The following CHD1 variants were observed in gnomAD, a reference collection of about 807,000 sequenced individuals.
The protein encoded by CHD1 is chromodomain helicase DNA binding protein 1.
CHD1 carries 36 observed loss-of-function variants against 224.2 expected under a neutral mutation model. The ratio of observed to expected loss-of-function variants is 0.16; its 90% confidence interval spans 0.12 to 0.21. The LOEUF is 0.21. Among genes scored for constraint, CHD1 ranks in the 10% least tolerant of loss-of-function variants. The pLI, the probability that CHD1 is intolerant of heterozygous loss-of-function variation, is 1.00. For missense variants in CHD1, 1,378 were observed against 1,994.8 expected, an observed-to-expected ratio of 0.69 and a Z score of 5.89; for synonymous variants, 668 against 658.3, an observed-to-expected ratio of 1.01 and a Z score of -0.23.
intron 28 of CHD1, among the ~76,000 whole-genome samples, chr5:98,871,026 GATT>G (rs1749294398): frequency 6.6e-6 from 1 of 151,914 alleles, no homozygotes; most frequent in Non-Finnish European, 1.5e-5. Context: ...AAAACCCTCA[GATT>G]ATCTTTCAAA....
intron 2 of CHD1, among the ~76,000 whole-genome samples, chr5:98,911,176 T>TATATATATATATATATATAGAG (rs1561540185): frequency 8.1e-6 from 1 of 122,974 alleles, no homozygotes; most frequent in Non-Finnish European, 1.7e-5. Flanking sequence ...TATATATATA[T>TATATATATATATATATATAGAG]AGAGGCATGT....
In CHD1 at chr5:98,893,460, G is replaced by A. The variant is rs1751150235; in HGVS notation, c.1947C>T (p.Ser649=). Residue 649 remains serine, a synonymous_variant, in exon 14 of 36, where the codon TCC becomes TCT. Transcript: ENST00000614616. ...GTAGCAAAGACCAGAGCTCTTTGAG[G>A]GAATTCTGTAGAGGAGTTCCAGTGA... ...LLITGTPLQN[S]LKELWSLLHF... is the part of the protein sequence containing the mutation. The A allele has an allele frequency of 6.2e-7, 1 of 1,608,582 alleles. No homozygotes were observed. The highest frequency in any genetic ancestry group is 1.7e-5 in the Admixed American group (1 of 58,950).
chr5:98,881,867 A>T, intron 20 of CHD1, 108 bp downstream of exon 20: 1 of 948,446 alleles, frequency 1.1e-6, no homozygotes, highest in Non-Finnish European at 1.5e-6. Context: ...AAAATATAAA[A>T]AGTACAACTC....
chr5:98,892,426 G>C, intron 15 of CHD1, 99 bp downstream of exon 15: 1 of 767,210 alleles, frequency 1.3e-6, no homozygotes, highest in Non-Finnish European at 2.1e-6. Context: ...ACTGCTCTAA[G>C]ACACTATTGT....
chr5:98,894,033 C>G (rs554701748), intron 13 of CHD1, among the ~76,000 whole-genome samples: 2 of 152,178 alleles, frequency 1.3e-5, no homozygotes, highest in Admixed American at 6.5e-5. Flanking sequence ...CTGTAGAACT[C>G]TCTTAAACTT....
At position 98,868,499 on chromosome 5, in the gene CHD1, C is replaced by G; in HGVS notation, c.4244G>C (p.Ser1415Thr). 1 of 1,607,038 alleles carries G rather than the reference C, an allele frequency of 6.2e-7. No individual in the cohort carries two copies. ...ATCAGAAAGTCTAAGGCTTACAATG[C>G]TGAATGTCTTCTGATCCAGCTCTTC... ...ESEELDQKTF[S>T]ICKERMRPVK... The change falls in exon 31 of 36, where the codon AGC becomes ACC. Residue 1415 changes from serine (S) to threonine (T), a missense_variant. Ser to Thr is a moderately conservative substitution (Grantham distance 58, BLOSUM62 1). This residue lies in a region of CHD1 where 23 missense variants were observed against 65.8 expected (regional missense o/e 0.35). Transcript: ENST00000614616.
intron 2 of CHD1, among the ~76,000 whole-genome samples, chr5:98,923,093 T>G (rs1176989639): frequency 6.6e-6 from 1 of 152,240 alleles, no homozygotes; most frequent in African/African-American, 2.4e-5. Flanking sequence ...CTCCTCAGTC[T>G]TTTAACTAGG....
At chr5:98,864,237 A>C (rs2112467857) in intron 31 of CHD1, among the ~76,000 whole-genome samples, 1 of 152,310 alleles carries the variant, frequency 6.6e-6, no homozygotes, top group East Asian at 1.9e-4. Flanking sequence ...AAATATTACT[A>C]ACAAGGCAAC....
chr5:98,901,458 T>C (rs1439767728), intron 5 of CHD1, 123 bp from the exon 6 acceptor site: 2 of 689,572 alleles, frequency 2.9e-6, no homozygotes, highest in Admixed American at 3.5e-5. Context: ...CTTTTACTCA[T>C]GCTAAAAATG....
At chr5:98,863,872 T>C (rs1434516776) in intron 31 of CHD1, among the ~76,000 whole-genome samples, 1 of 152,200 alleles carries the variant, frequency 6.6e-6, no homozygotes, top group African/African-American at 2.4e-5. Flanking sequence ...TTTTATATTG[T>C]AGCACACTAT....
intron 2 of CHD1, among the ~76,000 whole-genome samples, chr5:98,923,703 G>A (rs1215662456): frequency 2.6e-5 from 4 of 151,712 alleles, no homozygotes; most frequent in South Asian, 2.1e-4. Context: ...GTAAGCCACC[G>A]CACCCGGCCA....
chr5:98,910,289 A>G (rs939666383), intron 2 of CHD1, among the ~76,000 whole-genome samples: 3 of 152,178 alleles, frequency 2.0e-5, no homozygotes, highest in African/African-American at 4.8e-5. Flanking sequence ...TCAAAATAAT[A>G]CCATTATCAT....
chr5:98,905,856 A>G (rs937172641), intron 2 of CHD1, among the ~76,000 whole-genome samples: 5 of 152,198 alleles, frequency 3.3e-5, no homozygotes, highest in African/African-American at 1.2e-4. Flanking sequence ...AGTCTGGACT[A>G]AACAGTTGAT....
chr5:98,897,212 G>T lies in CHD1; in HGVS notation c.1474C>A (p.Leu492Ile). The T allele has an allele frequency of 6.2e-7, 1 of 1,611,416 alleles. No individual in the cohort carries two copies. Among genetic ancestry groups the T allele is most frequent in the Non-Finnish European group, 8.5e-7 (1 of 1,178,916 alleles). Residue 492 changes from leucine (L) to isoleucine (I), a missense_variant, in exon 11 of 36, where the codon CTT becomes ATT. Transcript: ENST00000614616. Reference sequence around the variant, plus strand: ...ACTTACTTGCACCAAGAATGAGCAAGCCAATTTAAACCATTCAGTTGATAA... The same window carrying T: ...ACTTACTTGCACCAAGAATGAGCAATCCAATTTAAACCATTCAGTTGATAA... ...RDYQLNGLNW[L>I]AHSWCKGNSC...
At chr5:98,887,100 G>GT (rs1410897817) in intron 17 of CHD1, among the ~76,000 whole-genome samples, 1 of 152,114 alleles carries the variant, frequency 6.6e-6, no homozygotes, top group African/African-American at 2.4e-5. Flanking sequence ...TGTGAACATA[G>GT]TAAAAACCAC....
intron 2 of CHD1, among the ~76,000 whole-genome samples, chr5:98,923,840 C>G (rs963681210): frequency 6.6e-6 from 1 of 152,294 alleles, no homozygotes; most frequent in African/African-American, 2.4e-5. Flanking sequence ...AGCACATGAT[C>G]TGTCTGCATA....
At chr5:98,910,232 G>A (rs879459336) in intron 2 of CHD1, among the ~76,000 whole-genome samples, 4 of 151,912 alleles carry the variant, frequency 2.6e-5, no homozygotes, top group Non-Finnish European at 4.4e-5. Flanking sequence ...GGGTTGAGTT[G>A]GTTGCAAATG....
At chr5:98,906,179 A>G (rs1200260998) in intron 2 of CHD1, among the ~76,000 whole-genome samples, 1 of 152,166 alleles carries the variant, frequency 6.6e-6, no homozygotes, top group African/African-American at 2.4e-5. Flanking sequence ...TCTACAGGTG[A>G]GATATATAAA....
chr5:98,873,926 GT>G (rs1348173325), intron 25 of CHD1, among the ~76,000 whole-genome samples: 2 of 152,128 alleles, frequency 1.3e-5, no homozygotes, highest in African/African-American at 4.8e-5. Context: ...ATAATAATGA[GT>G]TTAATTCATT....
Sources: gnomAD v4.1 joint callset for allele counts (sites outside exome capture counted in the v4.1 genomes callset) on GRCh38, gnomAD v4.1.1 for gene constraint, gnomAD v4.1.1 regional missense constraint, MANE v1.5 for transcripts, NCBI Gene and HGNC (gene_info 2026-07-23, HGNC 2026-07-21) for gene names.